TMEM108: variants seen among roughly 807,000 people sequenced by gnomAD.
The protein encoded by TMEM108 is transmembrane protein 108, also known as cancer/testis antigen 124.
In TMEM108, 12 loss-of-function variants were observed where a neutral mutation model predicts 35.1. The observed-to-expected ratio is 0.34, with a 90% CI of 0.22 to 0.55. TMEM108 has a LOEUF of 0.55. Ranked by LOEUF, TMEM108 falls within the 20% of genes least tolerant of loss-of-function variation. TMEM108 has a pLI of 0.89. For missense variants in TMEM108, 680 were observed against 753.3 expected (o/e 0.90, Z 1.14); for synonymous variants, 287 against 308.6 (o/e 0.93, Z 0.73).
chr3:133,193,878 A>C (rs1945537103), intron 2 of TMEM108, among the ~76,000 whole-genome samples: 1 of 152,160 alleles, frequency 6.6e-6, no homozygotes, highest in Non-Finnish European at 1.5e-5. Flanking sequence ...TTATTTATAA[A>C]ATATTTAATT....
Position 133,380,763 on chromosome 3 carries a change from G to C in TMEM108, c.1052G>C (p.Gly351Ala). 1 of 1,614,104 alleles carries C rather than the reference G, an allele frequency of 6.2e-7. No homozygotes were observed. The highest frequency in any genetic ancestry group is 8.5e-7 in the Non-Finnish European group (1 of 1,180,012). Residue 351 changes from glycine (G) to alanine (A), a missense_variant, in exon 4 of 6, where the codon GGG becomes GCG. Coordinates refer to ENST00000321871, the MANE Select transcript of TMEM108 (RefSeq NM_023943.4). The surrounding 1 kb of genome is among the most constrained non-coding windows in gnomAD (Gnocchi z 5.3). Reference protein sequence around the residue: ...GTSRPLSTSSGVFTAATGPTP... With the variant: ...GTSRPLSTSSAVFTAATGPTP... Reference sequence around the variant, plus strand: ...AGCAGACCTCTGTCTACCAGCTCTGGGGTCTTCACGGCTGCCACGGGGCCC... The same window carrying C: ...AGCAGACCTCTGTCTACCAGCTCTGCGGTCTTCACGGCTGCCACGGGGCCC...
chr3:133,225,151 A>T (rs1473703960), intron 2 of TMEM108, among the ~76,000 whole-genome samples: 1 of 150,792 alleles, frequency 6.6e-6, no homozygotes, highest in African/African-American at 2.4e-5. Flanking sequence ...GGTTCAAGCA[A>T]TTCTCCTGCC....
At chr3:133,264,163 G>C (rs1946663369) in intron 3 of TMEM108, among the ~76,000 whole-genome samples, 2 of 151,672 alleles carry the variant, frequency 1.3e-5, no homozygotes, top group Middle Eastern at 6.8e-3. Flanking sequence ...AACAAAAATA[G>C]AAAACTTTTT....
At chr3:133,393,629 C>T (rs4854583) in intron 5 of TMEM108, among the ~76,000 whole-genome samples, 70,008 of 152,014 alleles carry the variant, frequency 0.46, 16,348 homozygotes, top group East Asian at 0.56. Flanking sequence ...GTGGCCTGTA[C>T]ACATTTTGCA....
At chr3:133,367,581 A>C (rs991785439) in intron 3 of TMEM108, among the ~76,000 whole-genome samples, 3 of 152,252 alleles carry the variant, frequency 2.0e-5, no homozygotes, top group Non-Finnish European at 2.9e-5. Flanking sequence ...TGGAGCCGGC[A>C]GTGAACCTTT....
Position 133,181,008 on chromosome 3 carries a change from T to TAAAAAAAAAAAAA in TMEM108, c.-46-48240_-46-48228dup, listed in dbSNP as rs369228472. ...TGTACTGGCTATTGGGCAGTTGTGTTAAAAAAAAAAAAAAAAAAAAAAAAA... is the reference window on the plus strand; with the variant it reads ...TGTACTGGCTATTGGGCAGTTGTGTTAAAAAAAAAAAAAAAAAAAAAAAAAAAAAAAAAAAAAA... On this transcript the variant is annotated intron_variant, in intron 2 of 5. Coordinates refer to ENST00000321871, the MANE Select transcript of TMEM108 (RefSeq NM_023943.4). Among the ~76,000 whole-genome samples the TAAAAAAAAAAAAA allele has an allele frequency of 8.9e-3, 671 of 75,812 alleles. 83 individuals carry two copies. The highest frequency in any genetic ancestry group is 0.013 in the Non-Finnish European group (502 of 40,144). The allele number at this position is 75,812 out of a possible 152,430, so 49.7% of individuals were successfully genotyped here.
intron 4 of TMEM108, chr3:133,389,239 A>C: frequency 1.0e-6 from 1 of 985,384 alleles, no homozygotes; most frequent in Non-Finnish European, 1.2e-6. Context: ...ATCGAGACAT[A>C]ATTCTTCCTC....
intron 3 of TMEM108, among the ~76,000 whole-genome samples, chr3:133,365,129 G>T (rs867215750): frequency 6.6e-6 from 1 of 152,182 alleles, no homozygotes; most frequent in Admixed American, 6.5e-5. Flanking sequence ...GTTCAGCTGT[G>T]TGCTATTATC....
In TMEM108 at chr3:133,380,253, G is replaced by C; in HGVS notation, c.542G>C (p.Arg181Pro). The C allele has an allele frequency of 6.2e-7, 1 of 1,613,784 alleles. No individual in the cohort carries two copies. Among genetic ancestry groups the C allele is most frequent in the Non-Finnish European group, 8.5e-7 (1 of 1,179,920 alleles). The part of the protein sequence containing the change: ...SSRKGAGNSS[R>P]PVPPAPGGHS... ...CGAAAAGGGGCTGGTAATTCATCAC[G>C]CCCTGTCCCGCCTGCACCTGGTGGC... is the stretch of plus-strand genomic sequence containing the variant. Residue 181 changes from arginine (R) to proline (P), a missense_variant, in exon 4 of 6, where the codon CGC (arginine) becomes CCC (proline). This residue lies in a region of TMEM108 where 526 missense variants were observed against 532.1 expected (regional missense o/e 0.99). Transcript: ENST00000321871. The surrounding 1 kb of genome is among the most constrained non-coding windows in gnomAD (Gnocchi z 5.3).
chr3:133,212,111 G>A (rs2107840256), intron 2 of TMEM108, among the ~76,000 whole-genome samples: 1 of 152,176 alleles, frequency 6.6e-6, no homozygotes, highest in East Asian at 1.9e-4. Context: ...AATCCCTCCA[G>A]GGACAGGCAC....
intron 3 of TMEM108, among the ~76,000 whole-genome samples, chr3:133,250,983 T>C (rs1946460938): frequency 6.6e-6 from 1 of 152,184 alleles, no homozygotes; most frequent in African/African-American, 2.4e-5. Context: ...CAAGAATCTC[T>C]TGAATTTTGT....
At chr3:133,055,603 C>T (rs954364489) in intron 2 of TMEM108, among the ~76,000 whole-genome samples, 1 of 152,224 alleles carries the variant, frequency 6.6e-6, no homozygotes, top group African/African-American at 2.4e-5. Context: ...CTGAAACCCC[C>T]AGCCCTGAAC....
At chr3:133,359,722 TAATTA>T (rs2072287039) in intron 3 of TMEM108, among the ~76,000 whole-genome samples, 1 of 152,182 alleles carries the variant, frequency 6.6e-6, no homozygotes, top group Non-Finnish European at 1.5e-5. Flanking sequence ...TCAGTCAACA[TAATTA>T]AATTTTTAAA....
At chr3:133,138,603 G>T (rs1390951608) in intron 2 of TMEM108, among the ~76,000 whole-genome samples, 1 of 152,058 alleles carries the variant, frequency 6.6e-6, no homozygotes, top group Non-Finnish European at 1.5e-5. Flanking sequence ...GAAGTCAAAA[G>T]ATTGGACATC....
chr3:133,180,605 T>C (rs1043419055), intron 2 of TMEM108, among the ~76,000 whole-genome samples: 2 of 152,134 alleles, frequency 1.3e-5, no homozygotes, highest in Non-Finnish European at 2.9e-5. Context: ...TAATATTTAA[T>C]ATGTGTTTAA....
chr3:133,265,234 A>G (rs1212373383), intron 3 of TMEM108, among the ~76,000 whole-genome samples: 1 of 152,140 alleles, frequency 6.6e-6, no homozygotes, highest in African/African-American at 2.4e-5. Flanking sequence ...TGTTCTATTA[A>G]CTTACTTCCT....
intron 3 of TMEM108, among the ~76,000 whole-genome samples, chr3:133,329,223 A>G (rs972614873): frequency 3.3e-5 from 5 of 152,136 alleles, no homozygotes; most frequent in African/African-American, 1.2e-4. Context: ...GTAGTTGGGA[A>G]GGGGAGTGTC....
At chr3:133,277,898 C>A (rs754429536) in intron 3 of TMEM108, among the ~76,000 whole-genome samples, 6 of 152,166 alleles carry the variant, frequency 3.9e-5, no homozygotes, top group Non-Finnish European at 8.8e-5. Context: ...ATCTGTGGAC[C>A]AGAGACTCAG....
intron 2 of TMEM108, among the ~76,000 whole-genome samples, chr3:133,073,451 C>CT (rs35002643): frequency 0.05 from 5,488 of 110,338 alleles, 159 homozygotes; most frequent in Middle Eastern, 0.076. Flanking sequence ...ACAGGATTCT[C>CT]TTTTTTTTTT....
Sources: gnomAD v4.1 joint callset for allele counts (sites outside exome capture counted in the v4.1 genomes callset) on GRCh38, gnomAD v4.1.1 for gene constraint, gnomAD v4.1.1 regional missense constraint, Gnocchi (gnomAD v3.1) non-coding constraint, MANE v1.5 for transcripts, NCBI Gene and HGNC (gene_info 2026-07-23, HGNC 2026-07-21) for gene names.